FUT8: variants seen among roughly 807,000 people sequenced by gnomAD.
FUT8 encodes fucosyltransferase 8.
In FUT8, 29 loss-of-function variants were observed where a neutral mutation model predicts 71.3. The ratio of observed to expected loss-of-function variants is 0.41; its 90% confidence interval spans 0.30 to 0.55. FUT8 has a LOEUF of 0.55. FUT8 is among the 20% of genes least tolerant of loss of function. The pLI, the probability that FUT8 is intolerant of heterozygous loss-of-function variation, is 0.34. For synonymous variants in FUT8, 254 were observed against 239.3 expected, an observed-to-expected ratio of 1.06 and a Z score of -0.57; for missense variants, 544 against 702.1, an observed-to-expected ratio of 0.77 and a Z score of 2.55.
intron 2 of FUT8, among the ~76,000 whole-genome samples, chr14:65,459,324 T>C (rs2065939567): frequency 6.6e-6 from 1 of 152,210 alleles, no homozygotes; most frequent in South Asian, 2.1e-4. Context: ...TATTTAAATT[T>C]AAATTTAATA....
intron 3 of FUT8, among the ~76,000 whole-genome samples, chr14:65,604,806 G>T (rs1888486404): frequency 6.6e-6 from 1 of 151,830 alleles, no homozygotes; most frequent in South Asian, 2.1e-4. Flanking sequence ...AAAGATAAAT[G>T]AAGTATATAT....
At chr14:65,427,564 A>G (rs978743453) in intron 1 of FUT8, among the ~76,000 whole-genome samples, 1 of 152,072 alleles carries the variant, frequency 6.6e-6, no homozygotes, top group Non-Finnish European at 1.5e-5. Context: ...TTGGCCATTT[A>G]TATGTCTTCT....
chr14:65,495,755 TA>T (rs112173095), intron 2 of FUT8, among the ~76,000 whole-genome samples: 4 of 152,204 alleles, frequency 2.6e-5, no homozygotes, highest in African/African-American at 9.6e-5. Flanking sequence ...CAGTATATAA[TA>T]TTTTTTGCTA....
intron 2 of FUT8, among the ~76,000 whole-genome samples, chr14:65,495,104 CT>C (rs970416392): frequency 1.1e-4 from 17 of 149,718 alleles, no homozygotes; most frequent in Non-Finnish European, 2.4e-4. Flanking sequence ...CTTTCAGAAC[CT>C]TTTTTTTTCT....
chr14:65,424,663 G>A (rs755122732), intron 1 of FUT8, among the ~76,000 whole-genome samples: 3 of 149,360 alleles, frequency 2.0e-5, no homozygotes, highest in South Asian at 2.1e-4. Context: ...TCAGCCTCCC[G>A]TCTTTTTCTT....
At chr14:65,558,699 A>C (rs1566821628) in intron 2 of FUT8, among the ~76,000 whole-genome samples, 1 of 152,218 alleles carries the variant, frequency 6.6e-6, no homozygotes, top group Non-Finnish European at 1.5e-5. Flanking sequence ...GTTAGTAGAT[A>C]GGGAAAAAAT....
intron 10 of FUT8, among the ~76,000 whole-genome samples, chr14:65,739,362 A>C (rs1272284320): frequency 8.5e-5 from 13 of 152,076 alleles, no homozygotes; most frequent in Admixed American, 8.5e-4. Flanking sequence ...TACTATTATT[A>C]TAATAGTTAT....
Position 65,561,520 on chromosome 14 carries a change from C to A in FUT8, c.-44C>A, listed in dbSNP as rs2140043994. ...AAACAGAGTTACAATGTTTTCAATT[C>A]TTTGAGCTCCAGGACTCCAGGGAAG... is the stretch of plus-strand genomic sequence containing the variant. On this transcript the variant is annotated 5_prime_UTR_variant, in exon 3 of 11. Transcript: ENST00000673929. 2 of 1,582,032 alleles carry A rather than the reference C, an allele frequency of 1.3e-6. No individual in the cohort carries two copies. Among genetic ancestry groups the A allele is most frequent in the South Asian group, 1.1e-5 (1 of 90,082 alleles).
intron 2 of FUT8, among the ~76,000 whole-genome samples, chr14:65,466,003 A>G (rs1197632831): frequency 6.6e-6 from 1 of 152,218 alleles, no homozygotes; most frequent in Non-Finnish European, 1.5e-5. Flanking sequence ...GAATAATAAC[A>G]GATTGACCAT....
At chr14:65,370,666 A>G in the FUT8 span, among the ~76,000 whole-genome samples, 9 of 151,290 alleles carry the variant, frequency 5.9e-5, no homozygotes, top group Non-Finnish European at 8.8e-5. Context: ...TATTATGTAT[A>G]TAATTTGTCT....
intron 7 of FUT8, among the ~76,000 whole-genome samples, chr14:65,680,734 G>A (rs1244990582): frequency 6.6e-6 from 1 of 152,114 alleles, no homozygotes; most frequent in Non-Finnish European, 1.5e-5. Flanking sequence ...TCTGCTCTCA[G>A]AATCCTTCTC....
intron 2 of FUT8, among the ~76,000 whole-genome samples, chr14:65,476,766 A>G (rs1406890100): frequency 6.6e-6 from 1 of 150,998 alleles, no homozygotes; most frequent in East Asian, 1.9e-4. Context: ...CAAGCATAGA[A>G]ATAGATCTGA....
intron 2 of FUT8, among the ~76,000 whole-genome samples, chr14:65,556,249 G>A (rs1435341077): frequency 6.6e-6 from 1 of 152,160 alleles, no homozygotes; most frequent in African/African-American, 2.4e-5. Flanking sequence ...CATCTCCTAG[G>A]TGAGGGTCTT....
At chr14:65,580,386 A>G (rs1887024823) in intron 3 of FUT8, among the ~76,000 whole-genome samples, 1 of 151,682 alleles carries the variant, frequency 6.6e-6, no homozygotes, top group African/African-American at 2.4e-5. Context: ...ACTGTTATAT[A>G]TGCGGTCCAT....
intron 2 of FUT8, among the ~76,000 whole-genome samples, chr14:65,500,399 T>A (rs573427569): frequency 6.6e-6 from 1 of 152,276 alleles, no homozygotes; most frequent in South Asian, 2.1e-4. Flanking sequence ...ATATCCTGGA[T>A]CATTCTCTTG....
intron 2 of FUT8, chr14:65,471,018 A>T: frequency 2.3e-6 from 1 of 438,734 alleles, no homozygotes; most frequent in Non-Finnish European, 4.5e-6. Flanking sequence ...GGTTTTTGTA[A>T]AGAATCCTTA....
chr14:65,418,095 A>G (rs113968492), intron 1 of FUT8, among the ~76,000 whole-genome samples: 1 of 152,332 alleles, frequency 6.6e-6, no homozygotes, highest in African/African-American at 2.4e-5. Context: ...ATCATGTAGC[A>G]ATGAGGCACA....
chr14:65,537,544 C>T (rs967424383), intron 2 of FUT8, among the ~76,000 whole-genome samples: 3 of 152,122 alleles, frequency 2.0e-5, no homozygotes, highest in South Asian at 4.2e-4. Flanking sequence ...CCTGCCACCA[C>T]GCCCGGCTAA....
At position 65,652,294 on chromosome 14, in the gene FUT8, C is replaced by A. The variant is rs959434737; in HGVS notation, c.598-16949C>A. Among the ~76,000 whole-genome samples the A allele has an allele frequency of 6.6e-6, 1 of 152,186 alleles. No homozygotes were observed. The highest frequency in any genetic ancestry group is 1.5e-5 in the Non-Finnish European group (1 of 68,022). Reference sequence around the variant, plus strand: ...TAGCACCCTCCCTGTTTTGTATGCCCTCTGCTAGGATGGCTGTGCGATTTG... The same window carrying A: ...TAGCACCCTCCCTGTTTTGTATGCCATCTGCTAGGATGGCTGTGCGATTTG... On this transcript the variant is annotated intron_variant, in intron 6 of 10. Coordinates refer to ENST00000673929, the MANE Select transcript of FUT8 (RefSeq NM_001371533.1). This position sits in a 1 kb window ranked among gnomAD's most constrained non-coding sequence, Gnocchi z 4.0.
Sources: gnomAD v4.1 joint callset for allele counts (sites outside exome capture counted in the v4.1 genomes callset) on GRCh38, gnomAD v4.1.1 for gene constraint, Gnocchi (gnomAD v3.1) non-coding constraint, MANE v1.5 for transcripts, NCBI Gene and HGNC (gene_info 2026-07-23, HGNC 2026-07-21) for gene names.